The following SLC9A7 variants were observed in gnomAD, a reference collection of about 807,000 sequenced individuals.
SLC9A7 encodes the protein sodium/hydrogen exchanger 7.
In SLC9A7, 19 loss-of-function variants were observed where a neutral mutation model predicts 52.6. The observed-to-expected ratio is 0.36, with a 90% confidence interval of 0.25 to 0.53. SLC9A7 has a LOEUF of 0.53. SLC9A7 is among the 20% of genes least tolerant of loss of function. The pLI, the probability that SLC9A7 is intolerant of heterozygous loss-of-function variation, is 0.91. For synonymous variants in SLC9A7, 226 were observed against 252.1 expected, an observed-to-expected ratio of 0.90 and a Z score of 0.98; for missense variants, 455 against 597.9, an observed-to-expected ratio of 0.76 and a Z score of 2.49.
intron 1 of SLC9A7, among the ~76,000 whole-genome samples, chrX:46,721,403 A>C (rs1287726907): frequency 8.9e-6 from 1 of 112,151 alleles, no homozygotes; most frequent in Non-Finnish European, 1.9e-5. Context: ...CCCCTCGGTC[A>C]TATTACCCTG....
At position 46,671,471 on chromosome X, in the gene SLC9A7, A is replaced by G. The variant is rs953955114; in HGVS notation, c.680+1080T>C. Among the ~76,000 whole-genome samples, 709 of 106,122 alleles carry G rather than the reference A, an allele frequency of 6.7e-3. 7 individuals are homozygous for G. Among genetic ancestry groups the G allele is most frequent in the Admixed American group, 9.9e-3 (98 of 9,883 alleles). 92.2% of individuals were successfully genotyped at this position (106,122 alleles called of 115,157 possible). ...TTTTTAGTAGAGACGGGGTTTCACC[A>G]TGTTAGCCAGGATGGTCTCGATCTC... On this transcript the variant is annotated intron_variant, in intron 4 of 16. Transcript: ENST00000616978.
Position 46,759,023 on chromosome X carries a change from G to A in SLC9A7, c.7C>T (p.Pro3Ser), listed in dbSNP as rs1457792719. The change falls in exon 1 of 17, where the codon CCT (proline) becomes TCT (serine). Residue 3 changes from proline to serine, a missense_variant. Pro to Ser is a moderately conservative substitution (Grantham distance 74, BLOSUM62 -1). Around this residue, in one of 3 missense-constraint regions of SLC9A7, gnomAD observed 304 missense variants for 417.8 expected, o/e 0.73. Transcript: ENST00000616978. ME[P>S]GDAARPGSGR... ...GAGCCAGGGCGCGCCGCGTCACCAGGCTCCATGGTCCCGGGGCCCCCCGCG... is the reference window on the plus strand; with the variant it reads ...GAGCCAGGGCGCGCCGCGTCACCAGACTCCATGGTCCCGGGGCCCCCCGCG... 163 of 953,448 alleles carry A rather than the reference G, an allele frequency of 1.7e-4. 1 individual carries two copies. Among genetic ancestry groups the A allele is most frequent in the Non-Finnish European group, 2.0e-4 (154 of 769,456 alleles). The allele number at this position is 953,448 out of a possible 1,213,427, so 78.6% of individuals were successfully genotyped here.
At chrX:46,619,733 TTTC>T (rs1331883823) in intron 15 of SLC9A7, among the ~76,000 whole-genome samples, 14 of 55,038 alleles carry the variant, frequency 2.5e-4, no homozygotes, top group South Asian at 1.0e-3. Context: ...ATTTTCTTTC[TTTC>T]TTTTTTTTTT....
chrX:46,653,071 A>G (rs1039038911), intron 8 of SLC9A7, among the ~76,000 whole-genome samples: 2 of 112,474 alleles, frequency 1.8e-5, no homozygotes, highest in Non-Finnish European at 3.8e-5. Flanking sequence ...AATGTAATTG[A>G]CTTTGGAATG....
At chrX:46,711,451 T>C (rs767136543) in intron 1 of SLC9A7, among the ~76,000 whole-genome samples, 5 of 111,686 alleles carry the variant, frequency 4.5e-5, no homozygotes, top group Admixed American at 9.5e-5. Flanking sequence ...TGTGGCTTAG[T>C]GTAAAGAGAG....
chrX:46,683,936 T>C (rs952487817), intron 1 of SLC9A7, among the ~76,000 whole-genome samples: 1 of 112,310 alleles, frequency 8.9e-6, no homozygotes, highest in African/African-American at 3.2e-5. Flanking sequence ...CACCAAGATA[T>C]ATAAGAACTC....
chrX:46,757,434 G>A (rs1013817253), intron 1 of SLC9A7, among the ~76,000 whole-genome samples: 1 of 112,587 alleles, frequency 8.9e-6, no homozygotes, highest in Non-Finnish European at 1.9e-5. Context: ...GTTTGGCTGC[G>A]AGGGCCTGGT....
chrX:46,669,974 T>C (rs1032514107), intron 4 of SLC9A7, among the ~76,000 whole-genome samples: 2 of 112,073 alleles, frequency 1.8e-5, no homozygotes, highest in Non-Finnish European at 3.8e-5. Context: ...AAAGCAACCA[T>C]GAAGCACAGT....
At chrX:46,696,278 G>A (rs761980340) in intron 1 of SLC9A7, among the ~76,000 whole-genome samples, 87 of 110,961 alleles carry the variant, frequency 7.8e-4, no homozygotes, top group African/African-American at 2.6e-3. Context: ...GAGCGACTGC[G>A]CCCAGCCTCT....
chrX:46,656,111 G>C (rs758353310), intron 7 of SLC9A7, among the ~76,000 whole-genome samples: 184 of 111,489 alleles, frequency 1.7e-3, no homozygotes, highest in African/African-American at 3.1e-3. Flanking sequence ...AGCAGGGGCA[G>C]ACTGACACCT....
At chrX:46,661,845 G>C (rs190496929) in intron 7 of SLC9A7, among the ~76,000 whole-genome samples, 171 bp downstream of exon 7, 7 of 112,076 alleles carry the variant, frequency 6.2e-5, no homozygotes, top group African/African-American at 2.3e-4. Context: ...CTCTCAGCTA[G>C]GGACCCAACC....
At chrX:46,725,229 G>A (rs1944923974) in intron 1 of SLC9A7, 1 of 1,058,343 alleles carries the variant, frequency 9.4e-7, no homozygotes, top group Admixed American at 2.2e-5. Flanking sequence ...CGTATCAGTG[G>A]GAACACCTTC....
chrX:46,672,069 T>C (rs1472505254), intron 4 of SLC9A7, among the ~76,000 whole-genome samples: 1 of 112,258 alleles, frequency 8.9e-6, no homozygotes, highest in African/African-American at 3.2e-5. Context: ...CTTTATGCTC[T>C]TGGGGATAAT....
chrX:46,725,839 C>A, intron 1 of SLC9A7: 1 of 557,614 alleles, frequency 1.8e-6, no homozygotes. Flanking sequence ...CGCAAAGAAA[C>A]CCAAACACTG....
chrX:46,616,746 C>T (rs1303834450), intron 15 of SLC9A7, among the ~76,000 whole-genome samples: 4 of 111,754 alleles, frequency 3.6e-5, no homozygotes, highest in Non-Finnish European at 7.5e-5. Context: ...TAGGTTCAGA[C>T]TTCTTTTTTT....
intron 1 of SLC9A7, among the ~76,000 whole-genome samples, chrX:46,719,866 G>A (rs897722560): frequency 2.7e-5 from 3 of 111,599 alleles, no homozygotes; most frequent in Non-Finnish European, 3.8e-5. Flanking sequence ...GGTTCTATAA[G>A]GGCAATTCCA....
chrX:46,730,670 T>TTATATATATATATATA (rs57157177), intron 1 of SLC9A7, among the ~76,000 whole-genome samples: 624 of 42,625 alleles, frequency 0.015, 30 homozygotes, highest in Non-Finnish European at 0.021. Context: ...AAAAAAAAAA[T>TTATATATATATATATA]TATATATATA....
At chrX:46,719,396 A>G (rs1211180829) in intron 1 of SLC9A7, among the ~76,000 whole-genome samples, 2 of 111,054 alleles carry the variant, frequency 1.8e-5, no homozygotes, top group African/African-American at 6.6e-5. Context: ...ATACATATGT[A>G]ACAAACCTGC....
intron 14 of SLC9A7, among the ~76,000 whole-genome samples, chrX:46,622,362 A>T (rs1459475082): frequency 8.9e-6 from 1 of 112,093 alleles, no homozygotes; most frequent in Non-Finnish European, 1.9e-5. Flanking sequence ...AGATTCCAAA[A>T]TGCCACATGA....
Sources: allele counts gnomAD v4.1 joint callset (sites outside exome capture counted in the v4.1 genomes callset), GRCh38; gene constraint gnomAD v4.1.1; regional missense constraint gnomAD v4.1.1; transcripts MANE v1.5; gene names NCBI Gene and HGNC (gene_info 2026-07-23, HGNC 2026-07-21).